Variants in FAM114A1 observed in about 807,000 individuals in gnomAD.
FAM114A1 encodes family with sequence similarity 114 member A1, also known as protein NOXP20.
In FAM114A1, 62 loss-of-function variants were observed where a neutral mutation model predicts 64.3. The ratio of observed to expected loss-of-function variants is 0.96; its 90% CI spans 0.79 to 1.19. The LOEUF is 1.19. Ranked by LOEUF, FAM114A1 falls within the 50% of genes most tolerant of loss-of-function variation. FAM114A1 has a pLI of 0.00. For synonymous variants in FAM114A1, 254 were observed against 251.1 expected, an observed-to-expected ratio of 1.01 and a Z score of -0.11; for missense variants, 645 against 676.3, an observed-to-expected ratio of 0.95 and a Z score of 0.51.
At chr4:38,895,499 A>G (rs1716841255) in intron 4 of FAM114A1, among the ~76,000 whole-genome samples, 1 of 152,158 alleles carries the variant, frequency 6.6e-6, no homozygotes, top group East Asian at 1.9e-4. Flanking sequence ...ACATGTGAAA[A>G]TTCTCCCCAT....
chr4:38,921,839 TG>T (rs2109749190), intron 8 of FAM114A1, among the ~76,000 whole-genome samples: 1 of 152,380 alleles, frequency 6.6e-6, no homozygotes, highest in South Asian at 2.1e-4. Context: ...TGTGCATTTT[TG>T]TAAACCCAGT....
chr4:38,939,886 C>CTTT (rs545845095), intron 13 of FAM114A1, among the ~76,000 whole-genome samples: 28 of 131,666 alleles, frequency 2.1e-4, no homozygotes, highest in African/African-American at 4.3e-4. Flanking sequence ...CACTTTCTTT[C>CTTT]TTTTTTTTTT....
Position 38,931,481 on chromosome 4 carries a change from G to A in FAM114A1, c.1192G>A (p.Glu398Lys), listed in dbSNP as rs200902598. 7.4e-5 allele frequency: 119 copies of A among 1,613,916 alleles called. No homozygotes were observed. The highest frequency in any genetic ancestry group is 8.2e-5 in the Non-Finnish European group (97 of 1,179,988). The change falls in exon 11 of 15, where the codon GAG (glutamate) becomes AAG (lysine). Residue 398 changes from glutamate to lysine, a missense_variant. Transcript: ENST00000358869. ...GAAGAGGGCTCATGACTGGGTGGAA[G>A]AGGATCAAACCGTGGTGTCAGTAGA... ...AMKRAHDWVE[E>K]DQTVVSVDVA...
At chr4:38,929,089 T>C in intron 9 of FAM114A1, 153 bp from the exon 10 acceptor site, 2 of 631,484 alleles carry the variant, frequency 3.2e-6, no homozygotes, top group Non-Finnish European at 5.7e-6. Flanking sequence ...TGCTCACGAA[T>C]GGAAGACATT....
chr4:38,939,437 C>A (rs1202713441), intron 13 of FAM114A1, among the ~76,000 whole-genome samples: 1 of 152,110 alleles, frequency 6.6e-6, no homozygotes. Flanking sequence ...TGCTTGCATA[C>A]CTCATTGATT....
chr4:38,890,195 G>C (rs1157018837), intron 3 of FAM114A1, among the ~76,000 whole-genome samples: 1 of 152,110 alleles, frequency 6.6e-6, no homozygotes, highest in Non-Finnish European at 1.5e-5. Context: ...ATGAGGTCAA[G>C]AGATCAAGAC....
At chr4:38,896,000 A>G (rs1716903862) in intron 4 of FAM114A1, among the ~76,000 whole-genome samples, 1 of 152,072 alleles carries the variant, frequency 6.6e-6, no homozygotes, top group African/African-American at 2.4e-5. Flanking sequence ...TCTCTGTTTG[A>G]GATCTTTGTC....
intron 9 of FAM114A1, 77 bp downstream of exon 9, chr4:38,922,970 C>G (rs1719752202): frequency 1.7e-5 from 25 of 1,453,300 alleles, no homozygotes; most frequent in Non-Finnish European, 2.2e-5. Context: ...GAACACAGCC[C>G]TTTGAATTAC....
At chr4:38,928,939 A>G (rs1720385057) in intron 9 of FAM114A1, among the ~76,000 whole-genome samples, 1 of 152,158 alleles carries the variant, frequency 6.6e-6, no homozygotes, top group Admixed American at 6.5e-5. Context: ...CTGACCACCT[A>G]CAGCTGTGAA....
chr4:38,882,184 C>T (rs1470615582), intron 3 of FAM114A1, among the ~76,000 whole-genome samples: 1 of 144,824 alleles, frequency 6.9e-6, no homozygotes, highest in Non-Finnish European at 1.5e-5. Flanking sequence ...CGGTGGTGGG[C>T]GCCTGTAGTC....
intron 8 of FAM114A1, among the ~76,000 whole-genome samples, chr4:38,916,328 C>CAACATG (rs1361563048): frequency 6.6e-6 from 1 of 152,122 alleles, no homozygotes; most frequent in African/African-American, 2.4e-5. Flanking sequence ...CATACAGATA[C>CAACATG]AACATGACCT....
At chr4:38,880,720 T>C (rs1261372127) in intron 3 of FAM114A1, among the ~76,000 whole-genome samples, 2 of 152,252 alleles carry the variant, frequency 1.3e-5, no homozygotes, top group African/African-American at 4.8e-5. Context: ...TCCTAAGTGC[T>C]ACTGTTAACA....
At chr4:38,880,526 A>T (rs1715152657) in intron 3 of FAM114A1, among the ~76,000 whole-genome samples, 1 of 152,210 alleles carries the variant, frequency 6.6e-6, no homozygotes, top group Non-Finnish European at 1.5e-5. Context: ...GTGGGACATT[A>T]ATAAGCCGCA....
intron 3 of FAM114A1, among the ~76,000 whole-genome samples, chr4:38,880,171 A>AATAGG (rs1715113180): frequency 2.1e-5 from 3 of 143,180 alleles, no homozygotes. Flanking sequence ...AATAGAATAG[A>AATAGG]ATAGAAAATA....
chr4:38,907,311 G>A (rs961489141), intron 6 of FAM114A1, among the ~76,000 whole-genome samples: 12 of 152,032 alleles, frequency 7.9e-5, no homozygotes, highest in African/African-American at 2.4e-4. Flanking sequence ...ATGAATTCAC[G>A]GCCTATCTGA....
chr4:38,921,276 G>A (rs994396030), intron 8 of FAM114A1, among the ~76,000 whole-genome samples: 1 of 152,098 alleles, frequency 6.6e-6, no homozygotes, highest in Non-Finnish European at 1.5e-5. Flanking sequence ...TACAAATAAT[G>A]TTCTGTTTTT....
chr4:38,927,981 C>G (rs114481891), intron 9 of FAM114A1, among the ~76,000 whole-genome samples: 2,207 of 152,312 alleles, frequency 0.014, 53 homozygotes, highest in African/African-American at 0.049. Flanking sequence ...CGTGCCTGGA[C>G]TACTTATCTG....
intron 4 of FAM114A1, among the ~76,000 whole-genome samples, chr4:38,905,199 C>G (rs1257297143): frequency 6.6e-6 from 1 of 152,080 alleles, no homozygotes; most frequent in Admixed American, 6.6e-5. Flanking sequence ...GAGTTCAAGA[C>G]AAGCCTGGCC....
At position 38,905,567 on chromosome 4, in the gene FAM114A1, G is replaced by T; in HGVS notation, c.482G>T (p.Arg161Leu). 1.2e-6 allele frequency: 2 copies of T among 1,614,116 alleles called. No individual in the cohort carries two copies. Among genetic ancestry groups the T allele is most frequent in the Non-Finnish European group, 1.7e-6 (2 of 1,180,018 alleles). The change falls in exon 5 of 15, where the codon CGG becomes CTG. Residue 161 changes from arginine (R) to leucine (L), a missense_variant. Arg to Leu is a moderately radical substitution (Grantham distance 102). Transcript: ENST00000358869. ...AAGGAAAAAGCAGGAGCCACTCTAC[G>T]GATTCATGGTGTAAATTCTGGATCT... is the stretch of plus-strand genomic sequence containing the variant. ...AVKEKAGATL[R>L]IHGVNSGSSE...
Sources: gnomAD v4.1 joint callset for allele counts (sites outside exome capture counted in the v4.1 genomes callset) on GRCh38, gnomAD v4.1.1 for gene constraint, MANE v1.5 for transcripts, NCBI Gene and HGNC (gene_info 2026-07-23, HGNC 2026-07-21) for gene names.